The following ATP10B variants were observed in gnomAD, a reference collection of about 807,000 sequenced individuals.
ATP10B encodes phospholipid-transporting ATPase VB.
ATP10B carries 122 observed loss-of-function variants against 141.2 expected under a neutral mutation model. The ratio of observed to expected loss-of-function variants is 0.86; its 90% CI spans 0.75 to 1.00. The LOEUF (loss-of-function observed/expected upper bound fraction) is 1.00, where lower values mean the gene tolerates loss of function less well. ATP10B is among the 50% of genes least tolerant of loss of function. ATP10B has a pLI of 0.00. For missense variants in ATP10B, 1,876 were observed against 1,825.3 expected, an observed-to-expected ratio of 1.03 and a Z score of -0.51; for synonymous variants, 685 against 692.0, an observed-to-expected ratio of 0.99 and a Z score of 0.16.
the ATP10B span, among the ~76,000 whole-genome samples, chr5:160,880,030 GTATAAATCTAA>G: frequency 6.6e-6 from 1 of 151,138 alleles, no homozygotes; most frequent in African/African-American, 2.4e-5. Flanking sequence ...AAATTCTTCT[GTATAAATCTAA>G]TATAAATCTA....
chr5:160,799,515 T>C (rs1008658049), intron 1 of ATP10B, among the ~76,000 whole-genome samples: 2 of 152,226 alleles, frequency 1.3e-5, no homozygotes, highest in Non-Finnish European at 2.9e-5. Context: ...TAATTAATGC[T>C]GATGTTTGCT....
At chr5:160,848,175 C>T (rs1776240334) in intron 1 of ATP10B, among the ~76,000 whole-genome samples, 1 of 152,164 alleles carries the variant, frequency 6.6e-6, no homozygotes, top group Non-Finnish European at 1.5e-5. Flanking sequence ...TTTACTGTCA[C>T]ATTACAAATG....
intron 1 of ATP10B, among the ~76,000 whole-genome samples, chr5:160,841,971 C>T (rs989615491): frequency 3.9e-5 from 6 of 152,070 alleles, no homozygotes; most frequent in East Asian, 1.9e-4. Flanking sequence ...GTGATCCACC[C>T]GCCTCGGCCT....
intron 2 of ATP10B, among the ~76,000 whole-genome samples, chr5:160,754,609 AT>A (rs1015064032): frequency 2.6e-5 from 4 of 152,208 alleles, no homozygotes; most frequent in Non-Finnish European, 4.4e-5. Flanking sequence ...AATGATGAAG[AT>A]TACCCAAGAC....
the ATP10B span, among the ~76,000 whole-genome samples, chr5:160,878,081 C>T: frequency 0.027 from 4,075 of 151,250 alleles, 143 homozygotes; most frequent in East Asian, 0.16. Flanking sequence ...CCAAGTCAAT[C>T]CTAAGCCAAA....
intron 7 of ATP10B, among the ~76,000 whole-genome samples, chr5:160,668,889 G>A (rs1031246012): frequency 1.3e-5 from 2 of 152,206 alleles, no homozygotes; most frequent in Non-Finnish European, 2.9e-5. Context: ...GGTTTTATGA[G>A]AGCTGTTTAT....
intron 1 of ATP10B, among the ~76,000 whole-genome samples, chr5:160,798,852 A>T (rs1046826190): frequency 2.0e-5 from 3 of 150,286 alleles, no homozygotes; most frequent in Non-Finnish European, 4.4e-5. Flanking sequence ...CCGGGTTTCA[A>T]GCAATTCTTG....
chr5:160,773,075 T>G (rs935712470), intron 2 of ATP10B, among the ~76,000 whole-genome samples: 1 of 152,344 alleles, frequency 6.6e-6, no homozygotes, highest in Non-Finnish European at 1.5e-5. Flanking sequence ...TTGTCGTTGT[T>G]AATTAACTCT....
chr5:160,653,862 TATTAATATAC>T, intron 7 of ATP10B, among the ~76,000 whole-genome samples: 1 of 124,674 alleles, frequency 8.0e-6, no homozygotes, highest in Non-Finnish European at 1.6e-5. Flanking sequence ...TATAAATATA[TATTAATATAC>T]GTATATACAT....
At chr5:160,896,755 G>C in the ATP10B span, among the ~76,000 whole-genome samples, 6 of 151,994 alleles carry the variant, frequency 3.9e-5, no homozygotes, top group Non-Finnish European at 8.8e-5. Context: ...CAAATTTCAG[G>C]CCAATATCCC....
At chr5:160,872,633 T>C in the ATP10B span, among the ~76,000 whole-genome samples, 1 of 152,214 alleles carries the variant, frequency 6.6e-6, no homozygotes, top group Non-Finnish European at 1.5e-5. Flanking sequence ...GAAAAAGGTG[T>C]CATTTCCTCA....
At chr5:160,598,996 G>T (rs748870369) in intron 21 of ATP10B, 26 bp from the exon 22 acceptor site, 8 of 1,610,680 alleles carry the variant, frequency 5.0e-6, no homozygotes, top group Non-Finnish European at 6.8e-6. Context: ...ATGGCCTTGT[G>T]AGTGGGGCTC....
the ATP10B span, among the ~76,000 whole-genome samples, chr5:160,895,289 G>A: frequency 2.0e-4 from 31 of 152,178 alleles, no homozygotes; most frequent in South Asian, 6.2e-4. Context: ...AACCATCAGC[G>A]TGCTGTATTC....
chr5:160,766,355 C>CAA, intron 2 of ATP10B, among the ~76,000 whole-genome samples: 1 of 101,514 alleles, frequency 9.9e-6, no homozygotes, highest in East Asian at 2.3e-4. Flanking sequence ...CACACACACA[C>CAA]ACACACACAC....
At chr5:160,581,738 T>C (rs1755569221) in intron 24 of ATP10B, among the ~76,000 whole-genome samples, 1 of 152,208 alleles carries the variant, frequency 6.6e-6, no homozygotes, top group Non-Finnish European at 1.5e-5. Flanking sequence ...TGTCTACTAT[T>C]GACAGTGGGG....
the ATP10B span, among the ~76,000 whole-genome samples, chr5:160,884,133 T>C: frequency 3.9e-5 from 6 of 152,150 alleles, no homozygotes; most frequent in South Asian, 2.1e-4. Context: ...CAAAATCTCA[T>C]TGGGACTGTT....
the ATP10B span, among the ~76,000 whole-genome samples, chr5:160,859,222 C>T: frequency 6.6e-6 from 1 of 151,634 alleles, no homozygotes; most frequent in African/African-American, 2.4e-5. Context: ...GATGTTTTTA[C>T]TGGGTATAGA....
At chr5:160,848,214 A>G (rs1776241525) in intron 1 of ATP10B, among the ~76,000 whole-genome samples, 1 of 152,178 alleles carries the variant, frequency 6.6e-6, no homozygotes, top group South Asian at 2.1e-4. Flanking sequence ...CAGAAATGCT[A>G]TTGAGAAGGC....
intron 2 of ATP10B, among the ~76,000 whole-genome samples, chr5:160,751,077 A>G (rs1471883211): frequency 6.6e-6 from 1 of 152,166 alleles, no homozygotes. Context: ...ATGCAGTCAT[A>G]GCCTGTTTAC....
Sources: gnomAD v4.1 joint callset for allele counts (sites outside exome capture counted in the v4.1 genomes callset) on GRCh38, gnomAD v4.1.1 for gene constraint, MANE v1.5 for transcripts, NCBI Gene and HGNC (gene_info 2026-07-23, HGNC 2026-07-21) for gene names.